The following CEP290 variants were observed in gnomAD, a reference collection of about 807,000 sequenced individuals.
CEP290 encodes the protein centrosomal protein of 290 kDa.
In CEP290, 317 loss-of-function variants were observed where a neutral mutation model predicts 344.9. That is an observed-to-expected ratio of 0.92 (90% CI 0.84 to 1.01). The LOEUF is 1.01. CEP290 is among the 50% of genes least tolerant of loss of function. The pLI is 0.00. For missense variants in CEP290, 2,754 were observed against 2,761.4 expected (o/e 1.00, Z 0.06); for synonymous variants, 932 against 895.8 (o/e 1.04, Z -0.72).
intron 44 of CEP290, among the ~76,000 whole-genome samples, chr12:88,066,761 C>T (rs1280767106): frequency 6.6e-6 from 1 of 152,074 alleles, no homozygotes; most frequent in Non-Finnish European, 1.5e-5. Context: ...CACAGCCTCC[C>T]TAATAGCTAG....
chr12:88,100,179 A>G (rs1285522581), intron 26 of CEP290, among the ~76,000 whole-genome samples: 1 of 151,974 alleles, frequency 6.6e-6, no homozygotes, highest in Non-Finnish European at 1.5e-5. Context: ...CTGAAGCAGA[A>G]GAATCGCTTG....
Position 88,090,812 on chromosome 12 carries a change from T to C in CEP290, c.3489A>G (p.Arg1163=), listed in dbSNP as rs1175460857. The change falls in exon 30 of 54, where the codon AGA becomes AGG. Residue 1163 remains arginine, a synonymous_variant. Transcript: ENST00000552810. ...SKLREISDIA[R]RQVEILNAQQ... ...GTGCATTCAAAATTTCAACTTGTCTTCTGGCAATATCAGAAATCTCTCTCA... is the reference window on the plus strand; with the variant it reads ...GTGCATTCAAAATTTCAACTTGTCTCCTGGCAATATCAGAAATCTCTCTCA... The C allele has an allele frequency of 6.4e-7, 1 of 1,557,724 alleles. No homozygotes were observed.
intron 32 of CEP290, 36 bp downstream of exon 32, chr12:88,087,740 AAAAC>A: frequency 4.8e-6 from 4 of 837,572 alleles, no homozygotes; most frequent in Non-Finnish European, 4.9e-6. Context: ...AAAAAAAAAA[AAAAC>A]TTAGGGAAAA....
intron 42 of CEP290, 109 bp from the exon 43 acceptor site, chr12:88,071,558 C>T (rs2035377457): frequency 9.2e-6 from 9 of 981,122 alleles, no homozygotes; most frequent in Admixed American, 3.0e-5. Context: ...CTATATTTGT[C>T]ATAAGCTAAT....
intron 29 of CEP290, among the ~76,000 whole-genome samples, chr12:88,091,697 G>A (rs1454805848): frequency 2.6e-5 from 4 of 152,116 alleles, no homozygotes; most frequent in Non-Finnish European, 5.9e-5. Flanking sequence ...GTCTTTCATA[G>A]TGAAAAAGAT....
intron 11 of CEP290, 90 bp from the exon 12 acceptor site, chr12:88,126,528 T>C (rs1015004633): frequency 2.4e-6 from 2 of 843,924 alleles, no homozygotes; most frequent in Non-Finnish European, 3.4e-6. Context: ...CGTTAGTAGA[T>C]TTATGATACA....
In CEP290 at chr12:88,139,479, T is replaced by C. The variant is rs1243557818; in HGVS notation, c.250+16A>G. ...CATTATTTAATACCATAATAAACTT[T>C]TTCCAAGGTGCTTACCAAATTTTGC... On this transcript the variant is annotated intron_variant, in intron 4 of 53. Transcript: ENST00000552810. 1.3e-6 allele frequency: 2 copies of C among 1,592,372 alleles called. No homozygotes were observed. Among genetic ancestry groups the C allele is most frequent in the South Asian group, 2.3e-5 (2 of 86,636 alleles).
chr12:88,130,394 A>G lies in CEP290; in HGVS notation c.543T>C (p.Ile181=). The part of the protein sequence containing the change: ...KKNEQLCQDI[I]DYQKQIDSQK... ...GTGAATCTATTTGTTTCTGGTAGTC[A>G]ATAATATCCTGACAAAGTTGTTCAT... The change falls in exon 9 of 54, where the codon ATT becomes ATC. Residue 181 remains isoleucine, a synonymous_variant. Transcript: ENST00000552810. 1 of 1,607,930 alleles carries G rather than the reference A, an allele frequency of 6.2e-7. No individual in the cohort carries two copies.
Position 88,106,164 on chromosome 12 carries a change from C to T in CEP290, c.2817+511G>A, listed in dbSNP as rs148638554. ...GAACACTACTTATGAAGTATTCTTGCCAAAAATGTTTAAACCTGAATGTAA... is the reference window on the plus strand; with the variant it reads ...GAACACTACTTATGAAGTATTCTTGTCAAAAATGTTTAAACCTGAATGTAA... On this transcript the variant is annotated intron_variant, in intron 25 of 53. Transcript: ENST00000552810. 8.7e-3 allele frequency among the ~76,000 whole-genome samples: 1,320 copies of T among 152,192 alleles called. 9 individuals are homozygous for T. Among genetic ancestry groups the T allele is most frequent in the Middle Eastern group, 0.017 (5 of 294 alleles).
In CEP290 at chr12:88,077,714, G is replaced by T; in HGVS notation, c.5569C>A (p.Leu1857Ile). ...AAAATTACCTGTAATCCACTGGTTA[G>T]TCTTTTAATTTGCCTTTTCAGTTCA... The part of the protein sequence containing the change: ...NDELKRQIKR[L>I]TSGLQGKPLT... The change falls in exon 40 of 54, where the codon CTA becomes ATA. Residue 1857 changes from leucine to isoleucine, a missense_variant. Coordinates refer to ENST00000552810, the MANE Select transcript of CEP290 (RefSeq NM_025114.4). 1 of 1,557,198 alleles carries T rather than the reference G, an allele frequency of 6.4e-7. No homozygotes were observed. The highest frequency in any genetic ancestry group is 8.7e-7 in the Non-Finnish European group (1 of 1,150,024).
rs1157449273 is a variant in CEP290, at chr12:88,086,550, T to A, written c.4195-52A>T. On this transcript the variant is annotated intron_variant, in intron 32 of 53. Coordinates refer to ENST00000552810, the MANE Select transcript of CEP290 (RefSeq NM_025114.4). ...CACATACACGAAGACATCAGGCACA[T>A]AACAGGCATTTTATATATATTTTCT... The A allele has an allele frequency of 3.3e-6, 4 of 1,194,738 alleles. No individual in the cohort carries two copies. The African/African-American group carries it at 4.6e-5, about 14-fold the overall frequency. The allele number at this position is 1,194,738 out of a possible 1,614,324, so 74.0% of individuals were successfully genotyped here.
intron 13 of CEP290, among the ~76,000 whole-genome samples, chr12:88,124,239 C>A (rs911633859): frequency 1.3e-5 from 2 of 152,078 alleles, no homozygotes; most frequent in Non-Finnish European, 2.9e-5. Flanking sequence ...CTCTGTTTAC[C>A]TCTCTGGTCT....
rs765002773 is a variant in CEP290 at position 88,068,525 on chromosome 12, A to C, written c.6132T>G (p.Pro2044=). 1.3e-5 allele frequency: 19 copies of C among 1,509,164 alleles called. No homozygotes were observed. In the Admixed American group the frequency reaches 4.3e-4, roughly 34 times the overall value. 93.5% of individuals were successfully genotyped at this position (1,509,164 alleles called of 1,614,324 possible). ...ATAATAAAAGATATACACTTACTGAAGGCTTAGAATATGTATCCTTTGAAA... is the reference window on the plus strand; with the variant it reads ...ATAATAAAAGATATACACTTACTGACGGCTTAGAATATGTATCCTTTGAAA... ...KQFSKDTYSK[P]SISGIESDDH... The change falls in exon 44 of 54, where the codon CCT becomes CCG. Residue 2044 remains proline, a synonymous_variant. Coordinates refer to ENST00000552810, the MANE Select transcript of CEP290 (RefSeq NM_025114.4).
chr12:88,067,732 C>T (rs1259243063), intron 44 of CEP290, among the ~76,000 whole-genome samples: 9 of 152,160 alleles, frequency 5.9e-5, no homozygotes, highest in African/African-American at 2.2e-4. Context: ...AATCTGCCAA[C>T]TTACCATTTG....
At chr12:88,090,367 C>T (rs992029189) in intron 30 of CEP290, among the ~76,000 whole-genome samples, 1 of 152,172 alleles carries the variant, frequency 6.6e-6, no homozygotes, top group Non-Finnish European at 1.5e-5. Context: ...CATGGTGGCT[C>T]ATACCTGTAA....
intron 1 of CEP290, 38 bp downstream of exon 1, chr12:88,141,862 G>A (rs1449115061): frequency 1.3e-5 from 2 of 152,460 alleles, no homozygotes; most frequent in Admixed American, 6.6e-5. Flanking sequence ...CCTGAGCGTG[G>A]AGTGACTCGC....
chr12:88,087,889 T>C lies in CEP290; in HGVS notation c.4085A>G (p.Asn1362Ser). The C allele has an allele frequency of 8.1e-7, 1 of 1,233,074 alleles. No homozygotes were observed. The highest frequency in any genetic ancestry group is 1.0e-6 in the Non-Finnish European group (1 of 963,298). 76.4% of individuals were successfully genotyped at this position (1,233,074 alleles called of 1,614,324 possible). The change falls in exon 32 of 54, where the codon AAT (asparagine) becomes AGT (serine). Residue 1362 changes from asparagine (N) to serine (S), a missense_variant. By Grantham distance (46) the Asn-to-Ser change is conservative (BLOSUM62 1). Transcript: ENST00000552810. ...EELRLQELKLNRELVKDKEEI... is the reference protein window; with the variant it reads ...EELRLQELKLSRELVKDKEEI... ...TTCTTTATCCTTGACTAATTCCCGA[T>C]TTAGTTTAAGTTCTTGAAGACGAAG...
intron 43 of CEP290, among the ~76,000 whole-genome samples, chr12:88,069,960 G>A (rs543874632): frequency 2.0e-5 from 3 of 152,174 alleles, no homozygotes; most frequent in East Asian, 3.9e-4. Flanking sequence ...AGAAATGAGC[G>A]AAACAGAAGA....
intron 49 of CEP290, among the ~76,000 whole-genome samples, chr12:88,057,106 T>C (rs1286278709): frequency 6.6e-6 from 1 of 152,168 alleles, no homozygotes; most frequent in Non-Finnish European, 1.5e-5. Context: ...TGGTTAAATA[T>C]CATCATCACC....
Sources: allele counts gnomAD v4.1 joint callset (sites outside exome capture counted in the v4.1 genomes callset), GRCh38; gene constraint gnomAD v4.1.1; transcripts MANE v1.5; gene names NCBI Gene and HGNC (gene_info 2026-07-23, HGNC 2026-07-21).